Variants in GLP2R observed in about 807,000 individuals in gnomAD.
GLP2R encodes glucagon-like peptide 2 receptor.
Under a neutral mutation model 68.2 loss-of-function variants are expected in GLP2R, and 59 were observed. That is an observed-to-expected ratio of 0.87 (90% CI 0.70 to 1.07). The LOEUF (loss-of-function observed/expected upper bound fraction) is 1.07, where lower values mean the gene tolerates loss of function less well. Ranked by LOEUF, GLP2R falls within the 50% of genes least tolerant of loss-of-function variation. The probability of loss-of-function intolerance (pLI) is 0.00; values close to 1 mark genes in which losing one functional copy is unlikely to be tolerated. For synonymous variants in GLP2R, 270 were observed against 265.4 expected (o/e 1.02, Z -0.17); for missense variants, 548 against 677.4 (o/e 0.81, Z 2.12).
chr17:9,890,381 C>G lies in GLP2R; in HGVS notation c.*676C>G, dbSNP rs762710315. Reference sequence around the variant, plus strand: ...GTATGTAACTCCACCCACCAGAGTGCCACTCCTCTCTGCTCTTCCTCTCCT... The same window carrying G: ...GTATGTAACTCCACCCACCAGAGTGGCACTCCTCTCTGCTCTTCCTCTCCT... On this transcript the variant is annotated 3_prime_UTR_variant, in exon 13 of 13. Transcript: ENST00000262441. 2.1e-5 allele frequency: 5 copies of G among 236,500 alleles called. No individual in the cohort carries two copies. 14.7% of individuals were successfully genotyped at this position (236,500 alleles called of 1,614,324 possible).
At chr17:9,856,000 G>T (rs1177403556) in intron 5 of GLP2R, among the ~76,000 whole-genome samples, 1 of 152,200 alleles carries the variant, frequency 6.6e-6, no homozygotes, top group Admixed American at 6.5e-5. Context: ...AGGTGTGGGA[G>T]ACCTGGAAAC....
chr17:9,882,297 G>A (rs2067204294), intron 11 of GLP2R, among the ~76,000 whole-genome samples: 1 of 152,196 alleles, frequency 6.6e-6, no homozygotes, highest in Non-Finnish European at 1.5e-5. Context: ...CAAAGAAACA[G>A]GGAAGGACAG....
At chr17:9,871,266 C>A (rs921206274) in intron 10 of GLP2R, among the ~76,000 whole-genome samples, 2 of 150,840 alleles carry the variant, frequency 1.3e-5, no homozygotes, top group African/African-American at 4.9e-5. Context: ...AGGTGAGGGG[C>A]TTGCTTGAGC....
In GLP2R at chr17:9,861,175, C is replaced by T; in HGVS notation, c.962C>T (p.Ala321Val). 6.2e-7 allele frequency: 1 copy of T among 1,612,914 alleles called. No homozygotes were observed. Among genetic ancestry groups the T allele is most frequent in the Non-Finnish European group, 8.5e-7 (1 of 1,179,018 alleles). ...CTATTTGTTGTACCCTGGGGTTTCG[C>T]CCGTGCACACCTGGAGAACACAGGG... ...PVLFVVPWGF[A>V]RAHLENTGCW... Residue 321 changes from alanine (A) to valine (V), a missense_variant, in exon 8 of 13, where the codon GCC (alanine) becomes GTC (valine). Physicochemically the swap from Ala to Val is moderately conservative, Grantham distance 64. Coordinates refer to ENST00000262441, the MANE Select transcript of GLP2R (RefSeq NM_004246.3).
At position 9,880,306 on chromosome 17, in the gene GLP2R, G is replaced by T. The variant is rs538964897; in HGVS notation, c.1146-72G>T. The T allele has an allele frequency of 7.0e-5, 64 of 920,076 alleles. No individual in the cohort carries two copies. In the South Asian group the frequency reaches 1.0e-3, roughly 14 times the overall value. 57.0% of individuals were successfully genotyped at this position (920,076 alleles called of 1,614,324 possible). ...TGGTAAGAGCTGCAACAAAGTCATGGCATGGAAGAGCAGGAAATGTTGCTT... is the reference window on the plus strand; with the variant it reads ...TGGTAAGAGCTGCAACAAAGTCATGTCATGGAAGAGCAGGAAATGTTGCTT... On this transcript the variant is annotated intron_variant, in intron 10 of 12. Coordinates refer to ENST00000262441, the MANE Select transcript of GLP2R (RefSeq NM_004246.3).
At chr17:9,864,251 G>A (rs1244912491) in intron 9 of GLP2R, among the ~76,000 whole-genome samples, 8 of 152,144 alleles carry the variant, frequency 5.3e-5, no homozygotes, top group East Asian at 3.9e-4. Context: ...TCGCCTGAGC[G>A]CTTGTTATAA....
At chr17:9,873,144 T>C (rs781678984) in intron 10 of GLP2R, among the ~76,000 whole-genome samples, 1 of 152,176 alleles carries the variant, frequency 6.6e-6, no homozygotes, top group African/African-American at 2.4e-5. Context: ...TCCACCCTGC[T>C]GGGTGCACTC....
At position 9,835,173 on chromosome 17, in the gene GLP2R, C is replaced by T. The variant is rs546480246; in HGVS notation, c.278-1198C>T. Among the ~76,000 whole-genome samples the T allele has an allele frequency of 2.2e-4, 34 of 151,968 alleles. 1 individual carries two copies. The South Asian group carries it at 4.8e-3, about 21-fold the overall frequency. On this transcript the variant is annotated intron_variant, in intron 2 of 12. Coordinates refer to ENST00000262441, the MANE Select transcript of GLP2R (RefSeq NM_004246.3). The stretch of plus-strand genomic sequence containing the variant: ...CCTCCTGAGTAGCTGGGATTACAGG[C>T]GCCCGCCACCACTCCCAGCTAATTT...
chr17:9,883,719 A>T (rs958378360), intron 11 of GLP2R, among the ~76,000 whole-genome samples: 1 of 152,260 alleles, frequency 6.6e-6, no homozygotes, highest in Non-Finnish European at 1.5e-5. Context: ...CAGAATGCTG[A>T]AAGAAAACAA....
intron 11 of GLP2R, among the ~76,000 whole-genome samples, chr17:9,885,964 G>C (rs996531994): frequency 2.0e-4 from 30 of 152,196 alleles, no homozygotes; most frequent in African/African-American, 7.2e-4. Flanking sequence ...ACTCTGCAGG[G>C]TGTTTTGTAC....
At chr17:9,843,992 GA>G (rs1316316454) in intron 4 of GLP2R, among the ~76,000 whole-genome samples, 1 of 152,196 alleles carries the variant, frequency 6.6e-6, no homozygotes, top group Non-Finnish European at 1.5e-5. Context: ...CAGGGTCATG[GA>G]GGATGGGGAA....
At chr17:9,852,802 A>T (rs937050752) in intron 4 of GLP2R, 1 of 270,812 alleles carries the variant, frequency 3.7e-6, no homozygotes, top group African/African-American at 2.3e-5. Flanking sequence ...ATCTTCTTCA[A>T]CATCATCATC....
At chr17:9,883,694 G>C (rs6503260) in intron 11 of GLP2R, among the ~76,000 whole-genome samples, 8,496 of 152,250 alleles carry the variant, frequency 0.056, 802 homozygotes, top group African/African-American at 0.19. Flanking sequence ...CCAGGAGGCA[G>C]TGGTATAAAA....
intron 10 of GLP2R, among the ~76,000 whole-genome samples, chr17:9,875,635 C>G (rs1393306986): frequency 3.3e-5 from 5 of 152,194 alleles, no homozygotes; most frequent in Non-Finnish European, 7.3e-5. Context: ...GTCCATCTGT[C>G]TGGCTTGGAG....
intron 10 of GLP2R, among the ~76,000 whole-genome samples, chr17:9,871,721 CTTTTTTTTTT>C (rs372099240): frequency 9.8e-6 from 1 of 102,312 alleles, no homozygotes; most frequent in Non-Finnish European, 1.9e-5. Context: ...TACTTTCTTT[CTTTTTTTTTT>C]TTTTTTTTTT....
intron 3 of GLP2R, among the ~76,000 whole-genome samples, chr17:9,839,902 T>C (rs1292403584): frequency 1.3e-5 from 2 of 151,520 alleles, no homozygotes; most frequent in African/African-American, 4.9e-5. Flanking sequence ...AATTCTCAGC[T>C]CAATCCTTTC....
At chr17:9,878,021 A>C (rs2067157584) in intron 10 of GLP2R, among the ~76,000 whole-genome samples, 2 of 152,246 alleles carry the variant, frequency 1.3e-5, no homozygotes, top group Admixed American at 1.3e-4. Flanking sequence ...ATAACATGGC[A>C]TCAGAATAAG....
chr17:9,837,960 C>CAG (rs149668360), intron 3 of GLP2R, among the ~76,000 whole-genome samples: 23 of 150,910 alleles, frequency 1.5e-4, no homozygotes, highest in Admixed American at 3.3e-4. Context: ...GCCTCTAGAG[C>CAG]AGAGAGAGAG....
At chr17:9,863,191 T>TGCCCTCCACAGTCCTCTCTCCA (rs1252912700) in intron 9 of GLP2R, among the ~76,000 whole-genome samples, 1 of 152,162 alleles carries the variant, frequency 6.6e-6, no homozygotes, top group African/African-American at 2.4e-5. Context: ...CACATCCTCC[T>TGCCCTCCACAGTCCTCTCTCCA]GCCCTCCACA....
Sources: allele counts gnomAD v4.1 joint callset (sites outside exome capture counted in the v4.1 genomes callset), GRCh38; gene constraint gnomAD v4.1.1; transcripts MANE v1.5; gene names NCBI Gene and HGNC (gene_info 2026-07-23, HGNC 2026-07-21).